Variants in MTCL2 observed in about 807,000 individuals in gnomAD.
The protein encoded by MTCL2 is microtubule cross-linking factor 2.
At chr20:36,792,365 C>T in the MTCL2 span, among the ~76,000 whole-genome samples, 4 of 152,024 alleles carry the variant, frequency 2.6e-5, no homozygotes, top group East Asian at 1.9e-4. Flanking sequence ...AAAAATTAGC[C>T]GGGCATGGTG....
chr20:36,797,021 C>T, the MTCL2 span: 2 of 1,337,474 alleles, frequency 1.5e-6, no homozygotes, highest in Non-Finnish European at 2.2e-6. Context: ...GAACAAGAGA[C>T]CAGCCCCGAC....
chr20:36,780,965 C>T, the MTCL2 span: 2 of 152,082 alleles, frequency 1.3e-5, no homozygotes, highest in African/African-American at 4.8e-5. Context: ...ATTATAAATC[C>T]TGATGTGTTT....
the MTCL2 span, among the ~76,000 whole-genome samples, chr20:36,791,706 ATGT>A: frequency 1.3e-5 from 2 of 152,320 alleles, no homozygotes; most frequent in East Asian, 1.9e-4. Flanking sequence ...GAACTGGAAG[ATGT>A]TGTAAAGTCA....
At chr20:36,815,843 G>C in the MTCL2 span, 5 of 1,599,354 alleles carry the variant, frequency 3.1e-6, no homozygotes, top group Admixed American at 3.5e-5. This position sits in a 1 kb window ranked among gnomAD's most constrained non-coding sequence, Gnocchi z 5.3. Flanking sequence ...TCTGGTCCTC[G>C]AGCTCGGCAG....
chr20:36,823,920 G>A, the MTCL2 span, among the ~76,000 whole-genome samples: 3 of 152,168 alleles, frequency 2.0e-5, no homozygotes, highest in South Asian at 2.1e-4. Flanking sequence ...AGGCAGAACC[G>A]GGCTTTGAAC....
chr20:36,815,611 T>C, the MTCL2 span: 3 of 1,597,980 alleles, frequency 1.9e-6, no homozygotes, highest in East Asian at 6.8e-5. This position sits in a 1 kb window ranked among gnomAD's most constrained non-coding sequence, Gnocchi z 5.3. Flanking sequence ...GGCCGCGTAC[T>C]CTGGCAGGAG....
the MTCL2 span, chr20:36,780,968 A>G: frequency 6.6e-6 from 1 of 152,168 alleles, no homozygotes; most frequent in South Asian, 2.1e-4. Flanking sequence ...ATAAATCCTG[A>G]TGTGTTTCTC....
chr20:36,819,527 G>A, the MTCL2 span, among the ~76,000 whole-genome samples: 1,349 of 151,822 alleles, frequency 8.9e-3, 16 homozygotes, highest in African/African-American at 0.031. Flanking sequence ...CAAAGAGTTG[G>A]TAGGAGAAAA....
At chr20:36,835,855 G>T in the MTCL2 span, among the ~76,000 whole-genome samples, 1 of 151,782 alleles carries the variant, frequency 6.6e-6, no homozygotes, top group Non-Finnish European at 1.5e-5. Flanking sequence ...CCGCCTCCCC[G>T]CCGCCGCCGC....
the MTCL2 span, among the ~76,000 whole-genome samples, chr20:36,809,580 T>A: frequency 7.0e-6 from 1 of 142,142 alleles, no homozygotes; most frequent in East Asian, 2.0e-4. Context: ...CTTTCATTCT[T>A]TTTTTTTTTT....
chr20:36,798,454 T>C, the MTCL2 span, among the ~76,000 whole-genome samples: 1 of 152,238 alleles, frequency 6.6e-6, no homozygotes, highest in Non-Finnish European at 1.5e-5. Flanking sequence ...GGATCAAGAC[T>C]GAGAGAAGAG....
the MTCL2 span, among the ~76,000 whole-genome samples, chr20:36,822,424 C>T: frequency 0.034 from 5,114 of 152,364 alleles, 333 homozygotes; most frequent in African/African-American, 0.12. Flanking sequence ...CTTCCCCACT[C>T]GCCAGCAACT....
the MTCL2 span, chr20:36,786,624 T>G: frequency 6.5e-7 from 1 of 1,549,540 alleles, no homozygotes; most frequent in South Asian, 1.2e-5. Flanking sequence ...GGTACTACAG[T>G]CACAAACAGC....
At chr20:36,803,420 A>G in the MTCL2 span, among the ~76,000 whole-genome samples, 136,815 of 152,148 alleles carry the variant, frequency 0.9, 62,021 homozygotes, top group African/African-American at 0.98. Context: ...CTTGGCCTCA[A>G]ACCTCAGAGT....
At chr20:36,838,559 C>T in the MTCL2 span, among the ~76,000 whole-genome samples, 1 of 151,986 alleles carries the variant, frequency 6.6e-6, no homozygotes, top group African/African-American at 2.4e-5. Flanking sequence ...TGCCTGATAC[C>T]TAGGCAACAG....
the MTCL2 span, among the ~76,000 whole-genome samples, chr20:36,821,631 T>A: frequency 6.6e-6 from 1 of 152,148 alleles, no homozygotes; most frequent in Non-Finnish European, 1.5e-5. Flanking sequence ...GGTGGGAGAA[T>A]TGCTTGAGCC....
the MTCL2 span, among the ~76,000 whole-genome samples, chr20:36,848,999 C>T: frequency 6.9e-6 from 1 of 145,266 alleles, no homozygotes; most frequent in Admixed American, 7.0e-5. Context: ...AATAAGCACA[C>T]ATATTACTAT....
chr20:36,859,224 T>C, the MTCL2 span, among the ~76,000 whole-genome samples: 1 of 152,226 alleles, frequency 6.6e-6, no homozygotes, highest in Non-Finnish European at 1.5e-5. Flanking sequence ...GATTCCTCCA[T>C]CCACACCCAG....
the MTCL2 span, among the ~76,000 whole-genome samples, chr20:36,788,985 T>C: frequency 2.6e-5 from 4 of 152,234 alleles, no homozygotes; most frequent in East Asian, 1.9e-4. Context: ...TGTGTATTTT[T>C]AGTAGAGATG....
Sources: gnomAD v4.1 joint callset for allele counts (sites outside exome capture counted in the v4.1 genomes callset) on GRCh38, gnomAD v4.1.1 for gene constraint, Gnocchi (gnomAD v3.1) non-coding constraint, MANE v1.5 for transcripts, NCBI Gene and HGNC (gene_info 2026-07-23, HGNC 2026-07-21) for gene names.